The following SLC39A10 variants were observed in gnomAD, a reference collection of about 807,000 sequenced individuals.
SLC39A10 encodes the protein solute carrier family 39 member 10.
Under a neutral mutation model 65.1 loss-of-function variants are expected in SLC39A10, and 13 were observed. That is an observed-to-expected ratio of 0.20 (90% CI 0.13 to 0.32). The LOEUF (loss-of-function observed/expected upper bound fraction) is 0.32, where lower values mean the gene tolerates loss of function less well. Among genes scored for constraint, SLC39A10 ranks in the 10% least tolerant of loss-of-function variants. The pLI is 1.00. For synonymous variants in SLC39A10, 321 were observed against 342.2 expected (o/e 0.94, Z 0.68); for missense variants, 831 against 1,018.4 (o/e 0.82, Z 2.50).
In SLC39A10 at chr2:195,675,521, C is replaced by T. The variant is rs558935488; in HGVS notation, c.-11-4511C>T. Among the ~76,000 whole-genome samples, 134 of 152,294 alleles carry T rather than the reference C, an allele frequency of 8.8e-4. 1 individual carries two copies. The highest frequency in any genetic ancestry group is 3.0e-3 in the African/African-American group (125 of 41,560). ...CGTGATCTCAGCTCACTGCAAGCTG[C>T]GCTTCCCGGGTTCATGCCATTCTCC... On this transcript the variant is annotated intron_variant, in intron 1 of 9. Coordinates refer to ENST00000359634, the MANE Select transcript of SLC39A10 (RefSeq NM_020342.3).
chr2:195,690,374 T>C (rs187741140), intron 3 of SLC39A10, among the ~76,000 whole-genome samples: 184 of 152,210 alleles, frequency 1.2e-3, no homozygotes, highest in Non-Finnish European at 2.1e-3. Flanking sequence ...GACCCTGTTT[T>C]AAATTCTTTT....
intron 6 of SLC39A10, among the ~76,000 whole-genome samples, chr2:195,715,728 C>A (rs79061712): frequency 0.01 from 1,595 of 152,174 alleles, 36 homozygotes; most frequent in East Asian, 0.07. Flanking sequence ...AATAAACTTT[C>A]CACAGCAAGG....
At chr2:195,730,246 A>C (rs1030259249) in intron 9 of SLC39A10, among the ~76,000 whole-genome samples, 1 of 151,780 alleles carries the variant, frequency 6.6e-6, no homozygotes, top group East Asian at 1.9e-4. Flanking sequence ...TCCAGTCTTC[A>C]TTTTTCTTGT....
intron 1 of SLC39A10, among the ~76,000 whole-genome samples, chr2:195,674,367 T>C (rs894573175): frequency 2.0e-5 from 3 of 152,094 alleles, no homozygotes; most frequent in Non-Finnish European, 4.4e-5. Context: ...AACCTCCGCC[T>C]CCTGAGTCCA....
chr2:195,690,378 T>A (rs1690692656), intron 3 of SLC39A10, among the ~76,000 whole-genome samples: 1 of 152,124 alleles, frequency 6.6e-6, no homozygotes, highest in Non-Finnish European at 1.5e-5. Context: ...CTGTTTTAAA[T>A]TCTTTTGGTT....
chr2:195,666,907 G>GT (rs1286543718), intron 1 of SLC39A10, among the ~76,000 whole-genome samples: 1 of 152,194 alleles, frequency 6.6e-6, no homozygotes, highest in Non-Finnish European at 1.5e-5. Flanking sequence ...AATATTACAG[G>GT]TAGCTTTCTC....
intron 1 of SLC39A10, among the ~76,000 whole-genome samples, chr2:195,668,221 G>A (rs1354116897): frequency 2.0e-5 from 3 of 152,150 alleles, no homozygotes; most frequent in Non-Finnish European, 4.4e-5. Context: ...GTTTGATAAA[G>A]CCATTCAGTC....
chr2:195,632,290 CTTTTTTTT>C (rs202193660), intron 2 of SLC39A10, among the ~76,000 whole-genome samples: 19 of 69,254 alleles, frequency 2.7e-4, no homozygotes, highest in African/African-American at 1.1e-3. Context: ...ATTCTACTTC[CTTTTTTTT>C]TTTTTTTTTT....
chr2:195,681,353 C>G (rs1490408156), intron 2 of SLC39A10, among the ~76,000 whole-genome samples: 1 of 151,882 alleles, frequency 6.6e-6, no homozygotes, highest in Non-Finnish European at 1.5e-5. Flanking sequence ...GGTGAAACCC[C>G]GTCTCTACTA....
At chr2:195,635,703 C>CCT (rs1688684578) in intron 2 of SLC39A10, among the ~76,000 whole-genome samples, 1 of 54,940 alleles carries the variant, frequency 1.8e-5, no homozygotes, top group South Asian at 1.0e-3. Context: ...GTGGAACCCC[C>CCT]CCCACTTTTT....
intron 3 of SLC39A10, among the ~76,000 whole-genome samples, chr2:195,695,701 C>T (rs570548305): frequency 2.0e-5 from 3 of 152,192 alleles, no homozygotes; most frequent in Non-Finnish European, 4.4e-5. Flanking sequence ...CTGCTCTGTC[C>T]GAGCAGGAGC....
rs753135542 is a variant in SLC39A10, at chr2:195,718,218, A to C, written c.2066-34A>C. ...GAAAATGTGAAGAGTTAAGATCAGC[A>C]AACCTCACTTGTTTTTTTTCTTATC... On this transcript the variant is annotated intron_variant, in intron 7 of 9. Coordinates refer to ENST00000359634, the MANE Select transcript of SLC39A10 (RefSeq NM_020342.3). The C allele has an allele frequency of 1.6e-5, 25 of 1,567,712 alleles. No individual in the cohort carries two copies. In the South Asian group the frequency reaches 2.7e-4, roughly 17 times the overall value.
At chr2:195,628,260 G>T (rs926557364) in intron 2 of SLC39A10, among the ~76,000 whole-genome samples, 2 of 152,150 alleles carry the variant, frequency 1.3e-5, no homozygotes, top group African/African-American at 4.8e-5. Context: ...TATCACAGTT[G>T]CTCCATGGAG....
chr2:195,718,196 A>T, intron 7 of SLC39A10, 56 bp from the exon 8 acceptor site: 1 of 1,405,004 alleles, frequency 7.1e-7, no homozygotes, highest in Non-Finnish European at 1.0e-6. Context: ...CATTAATGAA[A>T]ATGTGAAGAG....
intron 2 of SLC39A10, among the ~76,000 whole-genome samples, chr2:195,646,216 G>GA (rs1275635830): frequency 6.6e-6 from 1 of 152,150 alleles, no homozygotes; most frequent in African/African-American, 2.4e-5. Context: ...AAAGTGTTGG[G>GA]ATTACAGATG....
At chr2:195,636,667 G>T (rs961708091) in intron 2 of SLC39A10, among the ~76,000 whole-genome samples, 1 of 152,076 alleles carries the variant, frequency 6.6e-6, no homozygotes, top group Non-Finnish European at 1.5e-5. Context: ...GCAGGAGAAT[G>T]GCTTGAACCT....
intron 3 of SLC39A10, among the ~76,000 whole-genome samples, chr2:195,693,738 T>G (rs1332103490): frequency 6.6e-6 from 1 of 152,128 alleles, no homozygotes; most frequent in Non-Finnish European, 1.5e-5. Context: ...ATTTATCTTT[T>G]CAAAAAACCA....
intron 2 of SLC39A10, among the ~76,000 whole-genome samples, chr2:195,649,379 A>AT (rs1236855212): frequency 6.6e-6 from 1 of 152,178 alleles, no homozygotes; most frequent in Non-Finnish European, 1.5e-5. Flanking sequence ...GCCATCAAAT[A>AT]TTTTTTAAGA....
intron 5 of SLC39A10, among the ~76,000 whole-genome samples, chr2:195,710,936 A>G (rs1462845700): frequency 6.6e-6 from 1 of 152,176 alleles, no homozygotes. Context: ...TTGGCTAAGT[A>G]GATGACTGCA....
Sources: allele counts gnomAD v4.1 joint callset (sites outside exome capture counted in the v4.1 genomes callset), GRCh38; gene constraint gnomAD v4.1.1; transcripts MANE v1.5; gene names NCBI Gene and HGNC (gene_info 2026-07-23, HGNC 2026-07-21).